Variants in GRID2 observed in about 807,000 individuals in gnomAD.
GRID2 encodes glutamate receptor ionotropic, delta-2.
GRID2 carries 33 observed loss-of-function variants against 114.8 expected under a neutral mutation model. The ratio of observed to expected loss-of-function variants is 0.29; its 90% CI spans 0.22 to 0.38. The LOEUF is 0.38. Ranked by LOEUF, GRID2 falls within the 10% of genes least tolerant of loss-of-function variation. The probability of loss-of-function intolerance (pLI) is 1.00; values close to 1 mark genes in which losing one functional copy is unlikely to be tolerated. For missense variants in GRID2, 1,184 were observed against 1,257.7 expected, an observed-to-expected ratio of 0.94 and a Z score of 0.89; for synonymous variants, 505 against 449.9, an observed-to-expected ratio of 1.12 and a Z score of -1.55.
At chr4:93,472,112 G>T (rs561120385) in intron 11 of GRID2, among the ~76,000 whole-genome samples, 4 of 151,266 alleles carry the variant, frequency 2.6e-5, no homozygotes, top group Non-Finnish European at 5.9e-5. Flanking sequence ...ATCACCTGAG[G>T]TTGGGAGTTC....
chr4:92,364,751 G>A (rs371708997), intron 1 of GRID2, among the ~76,000 whole-genome samples: 13 of 151,864 alleles, frequency 8.6e-5, no homozygotes, highest in Non-Finnish European at 1.3e-4. Flanking sequence ...TACTTATTTC[G>A]TCTGGATTTC....
At chr4:93,068,716 C>T (rs1380920833) in intron 2 of GRID2, among the ~76,000 whole-genome samples, 5 of 151,638 alleles carry the variant, frequency 3.3e-5, no homozygotes, top group African/African-American at 1.2e-4. Flanking sequence ...TCAGTAATCT[C>T]GTGTTAGAGC....
At chr4:92,531,653 G>A (rs568621958) in intron 1 of GRID2, among the ~76,000 whole-genome samples, 1 of 152,180 alleles carries the variant, frequency 6.6e-6, no homozygotes, top group South Asian at 2.1e-4. Context: ...GAATGATCAT[G>A]GAGAGAACAG....
intron 8 of GRID2, among the ~76,000 whole-genome samples, chr4:93,276,237 C>T (rs1752044900): frequency 6.6e-6 from 1 of 151,922 alleles, no homozygotes. Context: ...GGTCTTGGCC[C>T]TTTGTTGAAA....
intron 2 of GRID2, among the ~76,000 whole-genome samples, chr4:92,958,838 A>G (rs1043345838): frequency 9.2e-5 from 14 of 151,914 alleles, no homozygotes; most frequent in African/African-American, 3.4e-4. Context: ...TTTTGATTCA[A>G]TTTGTTTGGT....
At chr4:92,434,773 T>C (rs1054135828) in intron 1 of GRID2, among the ~76,000 whole-genome samples, 12 of 152,096 alleles carry the variant, frequency 7.9e-5, no homozygotes, top group Non-Finnish European at 1.5e-4. Context: ...TAATATAATA[T>C]ATAGATAGAT....
intron 2 of GRID2, among the ~76,000 whole-genome samples, chr4:92,899,011 A>G (rs1747372401): frequency 6.6e-6 from 1 of 152,160 alleles, no homozygotes; most frequent in Non-Finnish European, 1.5e-5. Flanking sequence ...TTGTGTATAT[A>G]AAATCATATT....
chr4:93,545,937 T>C (rs1342105991), intron 13 of GRID2, among the ~76,000 whole-genome samples: 1 of 152,034 alleles, frequency 6.6e-6, no homozygotes, highest in Non-Finnish European at 1.5e-5. Flanking sequence ...AAAGAGAATA[T>C]AAAATAATAG....
chr4:93,324,941 G>T (rs1262106985), intron 8 of GRID2, among the ~76,000 whole-genome samples: 1 of 151,034 alleles, frequency 6.6e-6, no homozygotes, highest in Non-Finnish European at 1.5e-5. Context: ...TTCTTTATTA[G>T]TCTTGCTAGC....
intron 11 of GRID2, among the ~76,000 whole-genome samples, chr4:93,481,305 A>G (rs1197171298): frequency 6.6e-6 from 1 of 152,092 alleles, no homozygotes; most frequent in Non-Finnish European, 1.5e-5. Context: ...TCCAATAACA[A>G]GAAGGTTCAG....
intron 4 of GRID2, among the ~76,000 whole-genome samples, chr4:93,189,926 G>A (rs1429075431): frequency 2.0e-5 from 3 of 151,944 alleles, no homozygotes; most frequent in Non-Finnish European, 2.9e-5. Flanking sequence ...TCTTCATCTA[G>A]TGGTAACTTT....
At chr4:93,084,934 C>A in intron 2 of GRID2, 61 bp from the exon 3 acceptor site, 1 of 1,395,468 alleles carries the variant, frequency 7.2e-7, no homozygotes, top group Non-Finnish European at 1.0e-6. Flanking sequence ...CAGTGCTTCT[C>A]AAAAAGGGAA....
chr4:93,502,608 G>T (rs1027687813), intron 12 of GRID2, among the ~76,000 whole-genome samples: 1 of 151,674 alleles, frequency 6.6e-6, no homozygotes, highest in African/African-American at 2.4e-5. Context: ...CTACTGCTAA[G>T]TATCTGTTTG....
intron 1 of GRID2, among the ~76,000 whole-genome samples, chr4:92,451,190 G>T (rs1176018545): frequency 4.6e-5 from 7 of 152,072 alleles, no homozygotes; most frequent in Non-Finnish European, 8.8e-5. Flanking sequence ...GACAAAGAAA[G>T]AATGTACATT....
chr4:93,394,112 A>G (rs539987476), intron 8 of GRID2, among the ~76,000 whole-genome samples: 1 of 152,124 alleles, frequency 6.6e-6, no homozygotes, highest in South Asian at 2.1e-4. Context: ...AATGTAATTG[A>G]AGATAGACTT....
intron 14 of GRID2, among the ~76,000 whole-genome samples, chr4:93,693,478 T>G (rs1039721814): frequency 6.6e-6 from 1 of 152,218 alleles, no homozygotes; most frequent in Admixed American, 6.5e-5. Flanking sequence ...CTGTTTTGTT[T>G]TCTATTTAAA....
At chr4:92,629,087 C>T (rs762738834) in intron 2 of GRID2, among the ~76,000 whole-genome samples, 4 of 151,508 alleles carry the variant, frequency 2.6e-5, no homozygotes, top group Non-Finnish European at 5.9e-5. Flanking sequence ...AGTGAAAAAA[C>T]GATACAAAAT....
At chr4:93,598,566 GATTA>G (rs963687105) in intron 13 of GRID2, among the ~76,000 whole-genome samples, 20 of 152,074 alleles carry the variant, frequency 1.3e-4, no homozygotes, top group Non-Finnish European at 2.6e-4. Context: ...AATTTATTCT[GATTA>G]ATCTTACTTA....
intron 2 of GRID2, among the ~76,000 whole-genome samples, chr4:92,854,388 G>A (rs1439803408): frequency 1.3e-5 from 2 of 151,958 alleles, no homozygotes; most frequent in African/African-American, 2.4e-5. Flanking sequence ...CACTCCAGGG[G>A]CAGAGACATT....
Sources: allele counts gnomAD v4.1 joint callset (sites outside exome capture counted in the v4.1 genomes callset), GRCh38; gene constraint gnomAD v4.1.1; transcripts MANE v1.5; gene names NCBI Gene and HGNC (gene_info 2026-07-23, HGNC 2026-07-21).